The following ERC2 variants were observed in gnomAD, a reference collection of about 807,000 sequenced individuals.
The protein encoded by ERC2 is ERC protein 2.
Under a neutral mutation model 114.8 loss-of-function variants are expected in ERC2, and 42 were observed. That is an observed-to-expected ratio of 0.37 (90% CI 0.29 to 0.47). The LOEUF is 0.47. Ranked by LOEUF, ERC2 falls within the 20% of genes least tolerant of loss-of-function variation. The probability of loss-of-function intolerance (pLI) is 0.99; values close to 1 mark genes in which losing one functional copy is unlikely to be tolerated. For synonymous variants in ERC2, 454 were observed against 425.5 expected (o/e 1.07, Z -0.82); for missense variants, 939 against 1,150.7 (o/e 0.82, Z 2.66).
At chr3:55,959,587 C>T (rs2068217475) in intron 12 of ERC2, among the ~76,000 whole-genome samples, 1 of 152,176 alleles carries the variant, frequency 6.6e-6, no homozygotes, top group African/African-American at 2.4e-5. Flanking sequence ...TAATAAGATG[C>T]TCTTCCTTGC....
intron 13 of ERC2, among the ~76,000 whole-genome samples, chr3:55,948,003 T>C (rs868556547): frequency 2.6e-5 from 4 of 152,350 alleles, no homozygotes; most frequent in Admixed American, 6.5e-5. Context: ...TTGTAAAATA[T>C]TTCGTACTGT....
chr3:56,195,500 C>CGTGTGTGCGTGTGTGT (rs1553873463), intron 3 of ERC2, among the ~76,000 whole-genome samples: 2 of 149,924 alleles, frequency 1.3e-5, no homozygotes, highest in African/African-American at 4.9e-5. Context: ...TGCGTGTGTG[C>CGTGTGTGCGTGTGTGT]GTGTGTGTGT....
At chr3:55,734,518 G>C (rs2065500804) in intron 15 of ERC2, among the ~76,000 whole-genome samples, 1 of 152,158 alleles carries the variant, frequency 6.6e-6, no homozygotes, top group Admixed American at 6.5e-5. Flanking sequence ...CTATTTCTGG[G>C]GAGATGACGC....
In ERC2 at chr3:56,139,623, T is replaced by C; in HGVS notation, c.1359A>G (p.Leu453=). The C allele has an allele frequency of 6.2e-7, 1 of 1,612,244 alleles. No homozygotes were observed. The highest frequency in any genetic ancestry group is 8.5e-7 in the Non-Finnish European group (1 of 1,179,132). ...TGCTGAGGGTTTCAAGCTTTGTTTG[T>C]AAGGCAAGAAGTTCCGACTCTTTCT... The part of the protein sequence containing the change: ...LSKKESELLA[L]QTKLETLSNQ... Residue 453 remains leucine, a synonymous_variant, in exon 6 of 18, where the codon TTA becomes TTG. Coordinates refer to ENST00000288221, the MANE Select transcript of ERC2 (RefSeq NM_015576.3).
chr3:55,810,096 T>A (rs2149124268), intron 14 of ERC2, among the ~76,000 whole-genome samples: 1 of 152,282 alleles, frequency 6.6e-6, no homozygotes. Flanking sequence ...CTGTACATTT[T>A]AAAAATCCAT....
intron 17 of ERC2, among the ~76,000 whole-genome samples, chr3:55,542,171 C>T (rs1575525251): frequency 6.6e-6 from 1 of 152,278 alleles, no homozygotes. Context: ...TTCCCTATAT[C>T]CTACAGAAGA....
intron 3 of ERC2, among the ~76,000 whole-genome samples, chr3:56,219,724 C>T (rs2049770584): frequency 6.7e-6 from 1 of 149,406 alleles, no homozygotes; most frequent in South Asian, 2.1e-4. Flanking sequence ...TCAGAGAACC[C>T]ACCAGAAAGA....
At chr3:55,681,471 A>T (rs1559492998) in intron 17 of ERC2, among the ~76,000 whole-genome samples, 1 of 152,186 alleles carries the variant, frequency 6.6e-6, no homozygotes, top group Non-Finnish European at 1.5e-5. Flanking sequence ...TATAAATTTA[A>T]TGTCTCCTAA....
chr3:55,682,073 C>T (rs1299327711), intron 17 of ERC2, among the ~76,000 whole-genome samples: 1 of 152,222 alleles, frequency 6.6e-6, no homozygotes, highest in Non-Finnish European at 1.5e-5. Flanking sequence ...ATGTTTGAGG[C>T]AGGCTTCATG....
At chr3:55,801,678 G>A (rs2071063409) in intron 14 of ERC2, among the ~76,000 whole-genome samples, 1 of 152,228 alleles carries the variant, frequency 6.6e-6, no homozygotes, top group Admixed American at 6.5e-5. Flanking sequence ...GAGCACAGGA[G>A]CATCACCTGG....
chr3:56,143,662 T>C lies in ERC2; in HGVS notation c.1306-3986A>G, dbSNP rs61670244. Among the ~76,000 whole-genome samples the C allele has an allele frequency of 3.3e-3, 505 of 152,338 alleles. 2 individuals carry two copies. The highest frequency in any genetic ancestry group is 0.012 in the African/African-American group (494 of 41,582). On this transcript the variant is annotated intron_variant, in intron 5 of 17. Transcript: ENST00000288221. The stretch of plus-strand genomic sequence containing the variant: ...CCTTTATAAATTACCCAGTCATGGG[T>C]ATGTCTTTATTAGCAGCATGAGAAC...
intron 14 of ERC2, among the ~76,000 whole-genome samples, chr3:55,829,584 G>A (rs992742950): frequency 5.3e-5 from 8 of 152,154 alleles, no homozygotes; most frequent in South Asian, 2.1e-4. Context: ...GCATAATTAC[G>A]TCTTACTGAA....
At chr3:55,629,727 G>A (rs1289653731) in intron 17 of ERC2, among the ~76,000 whole-genome samples, 1 of 152,188 alleles carries the variant, frequency 6.6e-6, no homozygotes, top group East Asian at 1.9e-4. Flanking sequence ...CTGAAGACAG[G>A]CAAACATGTT....
intron 17 of ERC2, among the ~76,000 whole-genome samples, chr3:55,564,652 T>C (rs2056248276): frequency 6.6e-6 from 1 of 152,204 alleles, no homozygotes; most frequent in Non-Finnish European, 1.5e-5. Context: ...CTGTCACAGC[T>C]CTGTATAGCC....
intron 2 of ERC2, among the ~76,000 whole-genome samples, chr3:56,345,426 G>A (rs960733727): frequency 6.6e-6 from 1 of 152,198 alleles, no homozygotes; most frequent in African/African-American, 2.4e-5. Context: ...GGATATGAAA[G>A]TAAAACTCAG....
intron 6 of ERC2, among the ~76,000 whole-genome samples, chr3:56,088,907 G>A (rs1448950658): frequency 1.3e-5 from 2 of 152,190 alleles, no homozygotes; most frequent in South Asian, 2.1e-4. Context: ...ACTTTTCACA[G>A]CCTCTAATTC....
intron 14 of ERC2, among the ~76,000 whole-genome samples, chr3:55,853,909 A>T (rs2061677190): frequency 2.0e-5 from 3 of 152,180 alleles, no homozygotes; most frequent in Admixed American, 2.0e-4. Flanking sequence ...AGTGAAAATG[A>T]TAAATTTTAT....
chr3:56,405,787 T>A (rs553903897), intron 2 of ERC2, among the ~76,000 whole-genome samples: 64 of 152,084 alleles, frequency 4.2e-4, no homozygotes, highest in Admixed American at 9.8e-4. Flanking sequence ...CCATCTTTTA[T>A]CAATATTTAA....
chr3:55,985,993 T>C lies in ERC2; in HGVS notation c.2256-5A>G. On this transcript the variant is annotated splice_polypyrimidine_tract_variant and splice_region_variant and intron_variant, in intron 11 of 17. Coordinates refer to ENST00000288221, the MANE Select transcript of ERC2 (RefSeq NM_015576.3). ...ATTACTGACCTGAGAGTCAAGCTGA[T>C]TGGAGCAAGGGTGAAAGCAGCAATT... The C allele has an allele frequency of 1.3e-6, 2 of 1,540,072 alleles. No individual in the cohort carries two copies. Among genetic ancestry groups the C allele is most frequent in the Non-Finnish European group, 1.7e-6 (2 of 1,148,466 alleles).
Sources: allele counts gnomAD v4.1 joint callset (sites outside exome capture counted in the v4.1 genomes callset), GRCh38; gene constraint gnomAD v4.1.1; transcripts MANE v1.5; gene names NCBI Gene and HGNC (gene_info 2026-07-23, HGNC 2026-07-21).